GRIK5: variants seen among roughly 807,000 people sequenced by gnomAD.
The protein encoded by GRIK5 is glutamate ionotropic receptor kainate type subunit 5, also known as glutamate receptor ionotropic, kainate 5.
In GRIK5, 43 loss-of-function variants were observed where a neutral mutation model predicts 97.4. The observed-to-expected ratio is 0.44, with a 90% CI of 0.35 to 0.57. The LOEUF is 0.57. Among genes scored for constraint, GRIK5 ranks in the 20% least tolerant of loss-of-function variants. GRIK5 has a pLI of 0.01. For synonymous variants in GRIK5, 580 were observed against 583.5 expected, an observed-to-expected ratio of 0.99 and a Z score of 0.09; for missense variants, 1,015 against 1,382.0, an observed-to-expected ratio of 0.73 and a Z score of 4.21.
intron 11 of GRIK5, among the ~76,000 whole-genome samples, chr19:42,044,113 T>C (rs954144878): frequency 6.6e-6 from 1 of 152,146 alleles, no homozygotes; most frequent in African/African-American, 2.4e-5. Context: ...TAATGGGCTC[T>C]TCCCCCTTCA....
Position 42,042,700 on chromosome 19 carries a change from C to T in GRIK5, c.1325G>A (p.Arg442His), listed in dbSNP as rs763524836. 1 of 1,613,766 alleles carries T rather than the reference C, an allele frequency of 6.2e-7. No homozygotes were observed. The highest frequency in any genetic ancestry group is 8.5e-7 in the Non-Finnish European group (1 of 1,180,024). Residue 442 changes from arginine (R) to histidine (H), a missense_variant, in exon 12 of 20, where the codon CGC becomes CAC. By Grantham distance (29) the Arg-to-His change is conservative. Transcript: ENST00000593562. This position sits in a 1 kb window ranked among gnomAD's most constrained non-coding sequence, Gnocchi z 6.9. The stretch of plus-strand genomic sequence containing the variant: ...CATGTCCACGCAGAAGCCCTCGAAG[C>T]GTTCGTTCCCCGACAGGGCCTGGAA... Reference protein sequence around the residue: ...PNFQALSGNERFEGFCVDMLR... With the variant: ...PNFQALSGNEHFEGFCVDMLR...
At position 42,003,651 on chromosome 19, in the gene GRIK5, T is replaced by C. The variant is rs146198100; in HGVS notation, c.2296A>G (p.Ile766Val). The stretch of plus-strand genomic sequence containing the variant: ...CGGTTGTTCTCCTGAAGCTGCAGGA[T>C]GGCCAGTGTGATCTCATCCCGGAAC... ...SPFRDEITLA[I>V]LQLQENNRLE... The change falls in exon 18 of 20, where the codon ATC (isoleucine) becomes GTC (valine). Residue 766 changes from isoleucine (I) to valine (V), a missense_variant. Physicochemically the swap from Ile to Val is conservative, Grantham distance 29. Coordinates refer to ENST00000593562, the MANE Select transcript of GRIK5 (RefSeq NM_002088.5). The surrounding 1 kb of genome is among the most constrained non-coding windows in gnomAD (Gnocchi z 4.2). 8.7e-5 allele frequency: 141 copies of C among 1,613,554 alleles called. No individual in the cohort carries two copies. Among genetic ancestry groups the C allele is most frequent in the Admixed American group, 1.8e-4 (11 of 59,922 alleles).
At chr19:42,009,470 T>G (rs1250115947) in intron 15 of GRIK5, among the ~76,000 whole-genome samples, 2 of 131,632 alleles carry the variant, frequency 1.5e-5, no homozygotes, top group Admixed American at 7.7e-5. Flanking sequence ...ACCTTATCTT[T>G]AAAAAAAAAA....
Position 42,065,629 on chromosome 19 carries a change from C to T in GRIK5, c.79+63G>A. The T allele has an allele frequency of 7.4e-7, 1 of 1,349,808 alleles. No individual in the cohort carries two copies. The allele number at this position is 1,349,808 out of a possible 1,614,324, so 83.6% of individuals were successfully genotyped here. ...ACCTGGACCCTGACGGACTGGCATG[C>T]CTGGGTCCCCAGAGGAGCCCCAGGG... is the stretch of plus-strand genomic sequence containing the variant. On this transcript the variant is annotated intron_variant, in intron 2 of 19. Coordinates refer to ENST00000593562, the MANE Select transcript of GRIK5 (RefSeq NM_002088.5). This position sits in a 1 kb window ranked among gnomAD's most constrained non-coding sequence, Gnocchi z 5.8.
At chr19:42,068,706 A>G in intron 1 of GRIK5, 2 of 487,710 alleles carry the variant, frequency 4.1e-6, no homozygotes, top group South Asian at 3.2e-5. Flanking sequence ...GGATCTAAAC[A>G]GAGACATGCC....
chr19:42,041,726 G>A (rs1239439498), intron 12 of GRIK5, among the ~76,000 whole-genome samples: 8 of 152,044 alleles, frequency 5.3e-5, no homozygotes, highest in African/African-American at 1.9e-4. Flanking sequence ...CCCTAGTATC[G>A]CCCCATCTTT....
chr19:42,055,486 T>C (rs1474917790), intron 8 of GRIK5, among the ~76,000 whole-genome samples: 2 of 152,208 alleles, frequency 1.3e-5, no homozygotes, highest in Admixed American at 6.5e-5. Flanking sequence ...TGTTATGAGC[T>C]AGGCTGTTTT....
rs1324803488 is a variant in GRIK5, at chr19:41,999,198, C to CCGGCTCGGG, written c.2607_2615dup (p.Pro870_Arg872dup). The CCGGCTCGGG allele has an allele frequency of 1.1e-5, 17 of 1,517,150 alleles. No homozygotes were observed. The East Asian group carries it at 1.6e-4, about 14-fold the overall frequency. 94.0% of individuals were successfully genotyped at this position (1,517,150 alleles called of 1,614,324 possible). A position where few individuals can be genotyped will look rare whatever the true frequency, so the allele number is the denominator to read the frequency against. Reference sequence around the variant, plus strand: ...GGACCGCGCGCAGTGACAGCAGGGCCCGGCTCGGGCCGCCCGGGCGTCGGC... The same window carrying CCGGCTCGGG: ...GGACCGCGCGCAGTGACAGCAGGGCCCGGCTCGGGCGGCTCGGGCCGCCCGGGCGTCGGC... On this transcript the variant is annotated inframe_insertion, in exon 20 of 20. Transcript: ENST00000593562. This position sits in a 1 kb window ranked among gnomAD's most constrained non-coding sequence, Gnocchi z 5.0.
At position 42,065,540 on chromosome 19, in the gene GRIK5, C is replaced by A. The variant is rs546273324; in HGVS notation, c.79+152G>T. ...GGTTGGTGGGAGCTAGGGGTCTGGA[C>A]TCCTGGGTCCTGGGGGAAGGAGGAA... is the stretch of plus-strand genomic sequence containing the variant. On this transcript the variant is annotated intron_variant, in intron 2 of 19. Transcript: ENST00000593562. The surrounding 1 kb of genome is among the most constrained non-coding windows in gnomAD (Gnocchi z 5.8). 10 of 974,158 alleles carry A rather than the reference C, an allele frequency of 1.0e-5. No homozygotes were observed. In the Admixed American group the frequency reaches 2.6e-4, roughly 25 times the overall value. 60.3% of individuals were successfully genotyped at this position (974,158 alleles called of 1,614,324 possible).
In GRIK5 at chr19:42,003,410, G is replaced by A. The variant is rs915381455; in HGVS notation, c.2436C>T (p.Ile812=). 6.2e-7 allele frequency: 1 copy of A among 1,613,632 alleles called. No individual in the cohort carries two copies. The highest frequency in any genetic ancestry group is 1.3e-5 in the African/African-American group (1 of 74,978). ...CGAAGACAGCAATGATGAGGCCACAGATGAGCACGATAAAAATGCCACCAA... is the reference window on the plus strand; with the variant it reads ...CGAAGACAGCAATGATGAGGCCACAAATGAGCACGATAAAAATGCCACCAA... The part of the protein sequence containing the change: ...ENIGGIFIVL[I]CGLIIAVFVA... The change falls in exon 19 of 20, where the codon ATC becomes ATT. Residue 812 remains isoleucine, a synonymous_variant. Transcript: ENST00000593562. The surrounding 1 kb of genome is among the most constrained non-coding windows in gnomAD (Gnocchi z 4.2).
In GRIK5 at chr19:42,005,968, G is replaced by T. The variant is rs1555872558; in HGVS notation, c.2038-20C>A. Reference sequence around the variant, plus strand: ...TGAATTCTGGGCAGGAGGATCACAAGGGGAAGATGGGAGGGTCTTTCCAGC... The same window carrying T: ...TGAATTCTGGGCAGGAGGATCACAATGGGAAGATGGGAGGGTCTTTCCAGC... On this transcript the variant is annotated intron_variant, in intron 16 of 19. Transcript: ENST00000593562. The T allele has an allele frequency of 8.0e-7, 1 of 1,243,888 alleles. No homozygotes were observed. 77.1% of individuals were successfully genotyped at this position (1,243,888 alleles called of 1,614,324 possible). A position where few individuals can be genotyped will look rare whatever the true frequency, so the allele number is the denominator to read the frequency against.
intron 3 of GRIK5, among the ~76,000 whole-genome samples, chr19:42,064,023 TC>T (rs367784510): frequency 6.7e-4 from 102 of 152,248 alleles, no homozygotes; most frequent in African/African-American, 2.4e-3. Context: ...GTCCTTGCCT[TC>T]AATCTCTCTC....
At position 42,003,941 on chromosome 19, in the gene GRIK5, G is replaced by A. The variant is rs1320407926; in HGVS notation, c.2264-258C>T. Among the ~76,000 whole-genome samples the A allele has an allele frequency of 2.6e-5, 4 of 151,982 alleles. No homozygotes were observed. Among genetic ancestry groups the A allele is most frequent in the Admixed American group, 6.6e-5 (1 of 15,250 alleles). On this transcript the variant is annotated intron_variant, in intron 17 of 19. Coordinates refer to ENST00000593562, the MANE Select transcript of GRIK5 (RefSeq NM_002088.5). The surrounding 1 kb of genome is among the most constrained non-coding windows in gnomAD (Gnocchi z 4.2). ...CTTCCTGTTGCAAGCTCCTCCCCTC[G>A]GCCACTCTCAGACACCCTCACCCCC...
At position 42,021,105 on chromosome 19, in the gene GRIK5, C is replaced by G. The variant is rs758412973; in HGVS notation, c.1871+196G>C. 6.6e-6 allele frequency among the ~76,000 whole-genome samples: 1 copy of G among 152,146 alleles called. No individual in the cohort carries two copies. Among genetic ancestry groups the G allele is most frequent in the Non-Finnish European group, 1.5e-5 (1 of 68,030 alleles). On this transcript the variant is annotated intron_variant, in intron 15 of 19. Coordinates refer to ENST00000593562, the MANE Select transcript of GRIK5 (RefSeq NM_002088.5). This position sits in a 1 kb window ranked among gnomAD's most constrained non-coding sequence, Gnocchi z 4.2. ...GGTCACTGAGGCAAAGGGAGGGTTG[C>G]GGTCTGGCCAAGCTCACATAGCCAG...
At position 42,006,189 on chromosome 19, in the gene GRIK5, AC is replaced by A. The variant is rs1437773467; in HGVS notation, c.2038-242del. Among the ~76,000 whole-genome samples, 1 of 151,182 alleles carries A rather than the reference AC, an allele frequency of 6.6e-6. No individual in the cohort carries two copies. Among genetic ancestry groups the A allele is most frequent in the Non-Finnish European group, 1.5e-5 (1 of 67,740 alleles). Reference sequence around the variant, plus strand: ...TGGGGGGCCCGGTGAGTGCACCTCCACCTCCTTCCCCTTAACCCTCCAGCCG... The same window carrying A: ...TGGGGGGCCCGGTGAGTGCACCTCCACTCCTTCCCCTTAACCCTCCAGCCG... On this transcript the variant is annotated intron_variant, in intron 16 of 19. Coordinates refer to ENST00000593562, the MANE Select transcript of GRIK5 (RefSeq NM_002088.5). The surrounding 1 kb of genome is among the most constrained non-coding windows in gnomAD (Gnocchi z 5.3).
At chr19:42,049,932 G>A (rs761768629) in intron 11 of GRIK5, among the ~76,000 whole-genome samples, 4 of 151,784 alleles carry the variant, frequency 2.6e-5, no homozygotes, top group African/African-American at 7.3e-5. Context: ...TTTTATTTAC[G>A]TATTTATTTA....
chr19:42,030,758 C>T (rs1348175681), intron 12 of GRIK5, among the ~76,000 whole-genome samples: 8 of 152,156 alleles, frequency 5.3e-5, no homozygotes, highest in Admixed American at 5.2e-4. Flanking sequence ...GCCACTGCAT[C>T]TGGCAACCGG....
At position 42,005,807 on chromosome 19, in the gene GRIK5, C is replaced by T. The variant is rs868980490; in HGVS notation, c.2179G>A (p.Glu727Lys). ...TTGCAGTTGAGGCGCCGGTGGTATT[C>T]GTTCATGGTGGACTCGAGCAGGAAG... is the stretch of plus-strand genomic sequence containing the variant. ...YAFLLESTMN[E>K]YHRRLNCNLT... The change falls in exon 17 of 20, where the codon GAA becomes AAA. Residue 727 changes from glutamate (E) to lysine (K), a missense_variant. Coordinates refer to ENST00000593562, the MANE Select transcript of GRIK5 (RefSeq NM_002088.5). 5 of 1,614,078 alleles carry T rather than the reference C, an allele frequency of 3.1e-6. No individual in the cohort carries two copies. The highest frequency in any genetic ancestry group is 1.7e-5 in the Admixed American group (1 of 60,018).
At position 42,003,385 on chromosome 19, in the gene GRIK5, C is replaced by G. The variant is rs376852933; in HGVS notation, c.2461G>C (p.Val821Leu). Reference protein sequence around the residue: ...LICGLIIAVFVAVMEFIWSTR... With the variant: ...LICGLIIAVFLAVMEFIWSTR... ...GACCATATGAATTCCATGACCGCCACGAAGACAGCAATGATGAGGCCACAG... is the reference window on the plus strand; with the variant it reads ...GACCATATGAATTCCATGACCGCCAGGAAGACAGCAATGATGAGGCCACAG... The change falls in exon 19 of 20, where the codon GTG becomes CTG. Residue 821 changes from valine to leucine, a missense_variant. Transcript: ENST00000593562. This position sits in a 1 kb window ranked among gnomAD's most constrained non-coding sequence, Gnocchi z 4.2. 2.5e-6 allele frequency: 4 copies of G among 1,613,578 alleles called. No individual in the cohort carries two copies. The highest frequency in any genetic ancestry group is 3.4e-6 in the Non-Finnish European group (4 of 1,179,752).
Sources: allele counts gnomAD v4.1 joint callset (sites outside exome capture counted in the v4.1 genomes callset), GRCh38; gene constraint gnomAD v4.1.1; non-coding constraint Gnocchi (gnomAD v3.1); transcripts MANE v1.5; gene names NCBI Gene and HGNC (gene_info 2026-07-23, HGNC 2026-07-21).